SP100: variants seen among roughly 807,000 people sequenced by gnomAD.
SP100 encodes the protein SP100 nuclear body protein.
SP100 carries 84 observed loss-of-function variants against 130.0 expected under a neutral mutation model. That is an observed-to-expected ratio of 0.65 (90% CI 0.54 to 0.77). SP100 has a LOEUF of 0.77. Among genes scored for constraint, SP100 ranks in the 30% least tolerant of loss-of-function variants. SP100 has a pLI of 0.00. For missense variants in SP100, 978 were observed against 1,052.2 expected, an observed-to-expected ratio of 0.93 and a Z score of 0.97; for synonymous variants, 331 against 351.7, an observed-to-expected ratio of 0.94 and a Z score of 0.66.
chr2:230,504,200 A>G lies in SP100; in HGVS notation c.1780A>G (p.Lys594Glu). Residue 594 changes from lysine to glutamate, a missense_variant, in exon 21 of 29, where the codon AAA becomes GAA. Physicochemically the swap from Lys to Glu is moderately conservative, Grantham distance 56. Coordinates refer to ENST00000340126, the MANE Select transcript of SP100 (RefSeq NM_001080391.2). ...CTTCCTTGCAGGTCCAAGAATTCCC[A>G]AAGATGAAAATATTAATTTTAAACA... ...RRRKRGPRIP[K>E]DENINFKQSE... The G allele has an allele frequency of 6.2e-7, 1 of 1,610,140 alleles. No homozygotes were observed. The highest frequency in any genetic ancestry group is 2.2e-5 in the East Asian group (1 of 44,834).
chr2:230,517,815 T>C (rs554476796), intron 24 of SP100, among the ~76,000 whole-genome samples: 17 of 152,046 alleles, frequency 1.1e-4, no homozygotes, highest in Non-Finnish European at 2.4e-4. Context: ...TAAAAATCAG[T>C]ATCTTTTAAT....
Position 230,463,142 on chromosome 2 carries a change from G to A in SP100, c.1057+624G>A, listed in dbSNP as rs140736718. On this transcript the variant is annotated intron_variant, in intron 10 of 28. Coordinates refer to ENST00000340126, the MANE Select transcript of SP100 (RefSeq NM_001080391.2). Reference sequence around the variant, plus strand: ...AGGGGTAAACAGAAGAGAGATTCTCGTCCTTGTTTCCTAGATGAGAGAACA... The same window carrying A: ...AGGGGTAAACAGAAGAGAGATTCTCATCCTTGTTTCCTAGATGAGAGAACA... 6.7e-3 allele frequency among the ~76,000 whole-genome samples: 1,020 copies of A among 152,220 alleles called. 18 individuals carry two copies. Among genetic ancestry groups the A allele is most frequent in the Non-Finnish European group, 6.1e-3 (416 of 68,006 alleles).
chr2:230,417,513 G>C lies in SP100; in HGVS notation c.33-78G>C, dbSNP rs557339274. On this transcript the variant is annotated intron_variant, in intron 1 of 28. Transcript: ENST00000340126. ...TTACATCTAAACAAATATTTATCTT[G>C]TCTCTAAACCTTAAAAATGTAATTA... 699 of 1,509,656 alleles carry C rather than the reference G, an allele frequency of 4.6e-4. 8 individuals are homozygous for C. The South Asian group carries it at 8.2e-3, about 18-fold the overall frequency. The allele number at this position is 1,509,656 out of a possible 1,614,324, so 93.5% of individuals were successfully genotyped here. A position where few individuals can be genotyped will look rare whatever the true frequency, so the allele number is the denominator to read the frequency against.
chr2:230,453,131 G>A (rs1343490303), intron 8 of SP100, among the ~76,000 whole-genome samples: 5 of 152,196 alleles, frequency 3.3e-5, no homozygotes, highest in Non-Finnish European at 7.3e-5. Flanking sequence ...GGCAGAAAAG[G>A]GGAAGCAAAC....
intron 17 of SP100, among the ~76,000 whole-genome samples, chr2:230,485,697 G>T (rs2066047540): frequency 6.6e-6 from 1 of 151,882 alleles, no homozygotes; most frequent in Admixed American, 6.6e-5. Flanking sequence ...TCAATGTTTT[G>T]TATGTTTTTA....
intron 1 of SP100, among the ~76,000 whole-genome samples, chr2:230,417,276 G>A (rs1050089906): frequency 4.6e-5 from 7 of 151,924 alleles, no homozygotes; most frequent in African/African-American, 1.5e-4. Flanking sequence ...TCTGCATTTT[G>A]CATTTTTACT....
rs539462080 is a variant in SP100 at position 230,457,057 on chromosome 2, G to C, written c.821-4205G>C. On this transcript the variant is annotated intron_variant, in intron 8 of 28. Coordinates refer to ENST00000340126, the MANE Select transcript of SP100 (RefSeq NM_001080391.2). ...ATTCTAGTCTTTGCAGGCTGACTTT[G>C]TCTGGGAAAGCCTTTCACCCTATTT... Among the ~76,000 whole-genome samples, 6 of 152,292 alleles carry C rather than the reference G, an allele frequency of 3.9e-5. No homozygotes were observed. In the South Asian group the frequency reaches 1.2e-3, roughly 32 times the overall value.
chr2:230,524,043 C>A (rs1331830383), intron 24 of SP100, among the ~76,000 whole-genome samples: 1 of 151,014 alleles, frequency 6.6e-6, no homozygotes. Context: ...GGTTATAAAA[C>A]TATAAACCAG....
At chr2:230,464,489 C>T (rs530098205) in intron 11 of SP100, among the ~76,000 whole-genome samples, 1 of 152,168 alleles carries the variant, frequency 6.6e-6, no homozygotes, top group East Asian at 1.9e-4. Context: ...CTACTACTAC[C>T]CTTTATATTT....
At chr2:230,431,275 AT>A (rs1288751489) in intron 2 of SP100, among the ~76,000 whole-genome samples, 11 of 152,226 alleles carry the variant, frequency 7.2e-5, no homozygotes, top group Admixed American at 5.9e-4. Context: ...GCAAGACAGA[AT>A]TGGGCCTCCT....
intron 24 of SP100, chr2:230,515,463 G>C: frequency 2.5e-6 from 4 of 1,613,742 alleles, no homozygotes; most frequent in Non-Finnish European, 3.4e-6. Flanking sequence ...ATGAAAAGAA[G>C]GCTGCAAAGC....
chr2:230,513,113 A>G (rs1559988), intron 24 of SP100, among the ~76,000 whole-genome samples: 152,307 of 152,348 alleles, frequency 1, 76,133 homozygotes, highest in Middle Eastern at 1. Context: ...ACAGGCCATG[A>G]GTTGGTACAG....
At chr2:230,459,686 A>G (rs562423756) in intron 8 of SP100, among the ~76,000 whole-genome samples, 4 of 152,280 alleles carry the variant, frequency 2.6e-5, no homozygotes, top group Admixed American at 2.6e-4. Flanking sequence ...ACTTTAAAAT[A>G]TCTCTAACTT....
intron 16 of SP100, among the ~76,000 whole-genome samples, chr2:230,473,741 T>G (rs2065392688): frequency 6.6e-6 from 1 of 152,120 alleles, no homozygotes. Context: ...AGGCAAGAGA[T>G]CATTATAAAG....
At chr2:230,451,773 G>A (rs188159026) in intron 8 of SP100, among the ~76,000 whole-genome samples, 39 of 151,108 alleles carry the variant, frequency 2.6e-4, no homozygotes, top group Non-Finnish European at 4.0e-4. Context: ...ACAACCTTGG[G>A]TATTAAATTT....
intron 19 of SP100, among the ~76,000 whole-genome samples, chr2:230,500,160 AC>A (rs2066938388): frequency 6.6e-6 from 1 of 152,212 alleles, no homozygotes; most frequent in Admixed American, 6.5e-5. Flanking sequence ...TTTTAAAATA[AC>A]TTTTAATTTT....
intron 17 of SP100, among the ~76,000 whole-genome samples, chr2:230,477,674 G>C (rs1041882929): frequency 1.3e-5 from 2 of 152,164 alleles, no homozygotes; most frequent in African/African-American, 4.8e-5. Context: ...GAAGAGCTCA[G>C]AGGTAGAACC....
chr2:230,479,685 G>A lies in SP100; in HGVS notation c.1600+5238G>A, dbSNP rs1258005574. Among the ~76,000 whole-genome samples, 11 of 152,228 alleles carry A rather than the reference G, an allele frequency of 7.2e-5. No individual in the cohort carries two copies. In the East Asian group the frequency reaches 1.3e-3, roughly 19 times the overall value. On this transcript the variant is annotated intron_variant, in intron 17 of 28. Coordinates refer to ENST00000340126, the MANE Select transcript of SP100 (RefSeq NM_001080391.2). ...TGGAAGAAACAGCCAGATTTAAAGC[G>A]ATCCCCCAACCAATAGTGTGGAAGG...
intron 2 of SP100, among the ~76,000 whole-genome samples, chr2:230,433,957 G>A (rs941026413): frequency 6.7e-6 from 1 of 149,274 alleles, no homozygotes; most frequent in Non-Finnish European, 1.5e-5. Flanking sequence ...TCAAAATCTT[G>A]TTCTGTTTAC....
Sources: gnomAD v4.1 joint callset for allele counts (sites outside exome capture counted in the v4.1 genomes callset) on GRCh38, gnomAD v4.1.1 for gene constraint, MANE v1.5 for transcripts, NCBI Gene and HGNC (gene_info 2026-07-23, HGNC 2026-07-21) for gene names.